Variants in FNBP1 observed in about 807,000 individuals in gnomAD.
FNBP1 encodes the protein formin binding protein 1, also known as formin-binding protein 1.
A neutral mutation model predicts 90.6 loss-of-function variants in FNBP1; 26 were observed. The ratio of observed to expected loss-of-function variants is 0.29; its 90% CI spans 0.21 to 0.40. The LOEUF is 0.40. FNBP1 is among the 10% of genes least tolerant of loss of function. The probability of loss-of-function intolerance (pLI) is 1.00; values close to 1 mark genes in which losing one functional copy is unlikely to be tolerated. For synonymous variants in FNBP1, 260 were observed against 265.2 expected, an observed-to-expected ratio of 0.98 and a Z score of 0.19; for missense variants, 635 against 768.0, an observed-to-expected ratio of 0.83 and a Z score of 2.05.
Position 129,890,670 on chromosome 9 carries a change from G to T in FNBP1, c.1847-124C>A. The T allele has an allele frequency of 2.2e-6, 1 of 448,852 alleles. No individual in the cohort carries two copies. Among genetic ancestry groups the T allele is most frequent in the East Asian group, 6.8e-5 (1 of 14,742 alleles). 27.8% of individuals were successfully genotyped at this position (448,852 alleles called of 1,614,324 possible). A position where few individuals can be genotyped will look rare whatever the true frequency, so the allele number is the denominator to read the frequency against. On this transcript the variant is annotated intron_variant, in intron 16 of 16. Transcript: ENST00000446176. The surrounding 1 kb of genome is among the most constrained non-coding windows in gnomAD (Gnocchi z 5.8). The stretch of plus-strand genomic sequence containing the variant: ...CTGGGAGGGGAGGGTAGTGGGAGGG[G>T]AGGGATGGGAGGGGGCGTCTTAGAG...
the FNBP1 span, among the ~76,000 whole-genome samples, chr9:130,049,246 A>G: frequency 2.2e-4 from 33 of 152,330 alleles, no homozygotes; most frequent in Middle Eastern, 3.4e-3. Context: ...AAAATTTGCC[A>G]AGCACAGTGG....
intron 1 of FNBP1, among the ~76,000 whole-genome samples, chr9:130,023,044 G>A (rs78834617): frequency 0.015 from 2,222 of 152,040 alleles, 52 homozygotes; most frequent in African/African-American, 0.047. Context: ...GGCGGCTAAG[G>A]AAAAGAAACC....
chr9:130,038,081 G>A (rs1202538415), intron 1 of FNBP1, among the ~76,000 whole-genome samples: 1 of 152,064 alleles, frequency 6.6e-6, no homozygotes. Flanking sequence ...TCGGCCGGGC[G>A]CGGTGGCTCA....
At chr9:129,958,985 CAAAAAAAA>C (rs60640596) in intron 4 of FNBP1, among the ~76,000 whole-genome samples, 3 of 9,156 alleles carry the variant, frequency 3.3e-4, no homozygotes, top group East Asian at 5.5e-3. Flanking sequence ...AACTCTGCCT[CAAAAAAAA>C]AAAAAAAAAA....
At chr9:129,952,451 T>A (rs977489820) in intron 6 of FNBP1, among the ~76,000 whole-genome samples, 1 of 151,732 alleles carries the variant, frequency 6.6e-6, no homozygotes. Context: ...TGAGTGGAGA[T>A]CATGCCACTG....
chr9:129,909,049 G>C (rs2038715887), intron 11 of FNBP1, 50 bp from the exon 12 acceptor site: 4 of 1,326,834 alleles, frequency 3.0e-6, no homozygotes, highest in Non-Finnish European at 4.3e-6. Context: ...GGCTTTCCTT[G>C]AAAGAAGGCT....
chr9:129,908,485 G>C (rs181596330), intron 12 of FNBP1, among the ~76,000 whole-genome samples: 9 of 147,844 alleles, frequency 6.1e-5, no homozygotes, highest in African/African-American at 2.2e-4. Flanking sequence ...GATTACAGGT[G>C]TGAACCACCA....
chr9:129,914,767 A>ATAT (rs1243273252), intron 11 of FNBP1: 1 of 100,948 alleles, frequency 9.9e-6, no homozygotes, highest in Non-Finnish European at 2.2e-5. Context: ...CTATATATAT[A>ATAT]TATATATATA....
intron 2 of FNBP1, among the ~76,000 whole-genome samples, chr9:129,979,971 G>A (rs2050930444): frequency 1.3e-5 from 2 of 151,978 alleles, no homozygotes; most frequent in Admixed American, 1.3e-4. Context: ...GTAGCACTGA[G>A]CTGTTTTTCT....
chr9:129,953,685 C>G (rs887906170), intron 6 of FNBP1, among the ~76,000 whole-genome samples: 1 of 151,682 alleles, frequency 6.6e-6, no homozygotes, highest in Non-Finnish European at 1.5e-5. Flanking sequence ...ACAGAGAAAA[C>G]AGTACTTAAG....
intron 1 of FNBP1, among the ~76,000 whole-genome samples, chr9:130,029,757 G>T (rs982427884): frequency 2.0e-5 from 3 of 152,020 alleles, no homozygotes; most frequent in Non-Finnish European, 4.4e-5. Flanking sequence ...GCCAAGGCAG[G>T]GGGATCGCTT....
chr9:129,911,442 T>C (rs2039257424), intron 11 of FNBP1, among the ~76,000 whole-genome samples: 1 of 152,110 alleles, frequency 6.6e-6, no homozygotes, highest in Admixed American at 6.5e-5. Context: ...ACCAATCTCA[T>C]TTCCACATGG....
intron 6 of FNBP1, among the ~76,000 whole-genome samples, chr9:129,941,374 G>A (rs151306218): frequency 4.2e-4 from 64 of 152,300 alleles, no homozygotes; most frequent in African/African-American, 1.5e-3. Context: ...GGGCAACAGA[G>A]CGAGACGCCA....
chr9:129,962,935 C>A (rs1378044090), intron 4 of FNBP1, among the ~76,000 whole-genome samples: 2 of 152,084 alleles, frequency 1.3e-5, no homozygotes, highest in Non-Finnish European at 2.9e-5. Flanking sequence ...CATCTGGGCT[C>A]AACTGTGCCC....
chr9:130,003,352 T>G (rs1431372255), intron 1 of FNBP1, among the ~76,000 whole-genome samples: 2 of 152,004 alleles, frequency 1.3e-5, no homozygotes, highest in Non-Finnish European at 2.9e-5. Flanking sequence ...AGCAGTAATC[T>G]CAGCAGTTAG....
chr9:130,006,648 C>A (rs979939668), intron 1 of FNBP1, among the ~76,000 whole-genome samples: 1 of 151,894 alleles, frequency 6.6e-6, no homozygotes, highest in South Asian at 2.1e-4. Flanking sequence ...CCAGCCTGGG[C>A]GACAGAGGAA....
chr9:129,923,681 T>C (rs567524086), intron 10 of FNBP1, among the ~76,000 whole-genome samples, 163 bp downstream of exon 10: 1 of 151,662 alleles, frequency 6.6e-6, no homozygotes, highest in South Asian at 2.1e-4. Flanking sequence ...TTCCTCTTTC[T>C]GGCTTTTCTT....
In FNBP1 at chr9:130,023,913, G is replaced by A. The variant is rs76650149; in HGVS notation, c.24+19039C>T. ...TAGGACTGGCCCACAATTCAGACTG[G>A]TTACCAAGTACCTAGTGTATAAAAT... On this transcript the variant is annotated intron_variant, in intron 1 of 16. Coordinates refer to ENST00000446176, the MANE Select transcript of FNBP1 (RefSeq NM_015033.3). Among the ~76,000 whole-genome samples, 747 of 151,982 alleles carry A rather than the reference G, an allele frequency of 4.9e-3. 6 individuals are homozygous for A. Among genetic ancestry groups the A allele is most frequent in the Middle Eastern group, 0.017 (5 of 294 alleles).
chr9:129,897,073 G>A (rs2035901118), intron 15 of FNBP1, among the ~76,000 whole-genome samples: 1 of 152,128 alleles, frequency 6.6e-6, no homozygotes, highest in African/African-American at 2.4e-5. Flanking sequence ...AGATGAACCT[G>A]GATTCACTGT....
Sources: allele counts gnomAD v4.1 joint callset (sites outside exome capture counted in the v4.1 genomes callset), GRCh38; gene constraint gnomAD v4.1.1; non-coding constraint Gnocchi (gnomAD v3.1); transcripts MANE v1.5; gene names NCBI Gene and HGNC (gene_info 2026-07-23, HGNC 2026-07-21).